EDNRB: variants seen among roughly 807,000 people sequenced by gnomAD.
EDNRB encodes Hirschsprung disease 2.
In EDNRB, 18 loss-of-function variants were observed where a neutral mutation model predicts 46.4. The observed-to-expected ratio is 0.39, with a 90% CI of 0.27 to 0.57. The LOEUF (loss-of-function observed/expected upper bound fraction) is 0.57. Ranked by LOEUF, EDNRB falls within the 20% of genes least tolerant of loss-of-function variation. EDNRB has a pLI of 0.61. For missense variants in EDNRB, 434 were observed against 537.5 expected, an observed-to-expected ratio of 0.81 and a Z score of 1.90; for synonymous variants, 213 against 204.9, an observed-to-expected ratio of 1.04 and a Z score of -0.34.
upstream of EDNRB, chr13:77,919,223 C>T: frequency 1.4e-6 from 1 of 718,750 alleles, no homozygotes; most frequent in Non-Finnish European, 2.2e-6. Context: ...CCGCTGTTCC[C>T]TCCAAACGGC....
chr13:77,905,391 T>C (rs1879224703), intron 1 of EDNRB, among the ~76,000 whole-genome samples: 1 of 152,010 alleles, frequency 6.6e-6, no homozygotes, highest in Non-Finnish European at 1.5e-5. Context: ...AACATTGTAT[T>C]ATCAAAATAC....
chr13:77,933,393 G>A (rs992869298), intron 1 of EDNRB, among the ~76,000 whole-genome samples: 3 of 152,296 alleles, frequency 2.0e-5, no homozygotes, highest in South Asian at 2.1e-4. Flanking sequence ...AGTCAAAGGG[G>A]GGTTGTTCTC....
intron 1 of EDNRB, among the ~76,000 whole-genome samples, chr13:77,935,311 C>T (rs991378451): frequency 6.6e-6 from 1 of 152,148 alleles, no homozygotes; most frequent in African/African-American, 2.4e-5. Context: ...AACTGCACAG[C>T]CCTGCACTTT....
Position 77,895,969 on chromosome 13 carries a change from A to C in EDNRB, c.*2231T>G, listed in dbSNP as rs1391878336. 6.6e-6 allele frequency: 1 copy of C among 152,438 alleles called. No individual in the cohort carries two copies. The highest frequency in any genetic ancestry group is 2.4e-5 in the African/African-American group (1 of 41,446). 9.4% of individuals were successfully genotyped at this position (152,438 alleles called of 1,614,324 possible). On this transcript the variant is annotated 3_prime_UTR_variant, in exon 7 of 7. Coordinates refer to ENST00000646607, the MANE Select transcript of EDNRB (RefSeq NM_001122659.3). ...ATAATTTTGTCTGTTGCTATATTAAAGTCCTTAATACTAGGAAACATGTTT... is the reference window on the plus strand; with the variant it reads ...ATAATTTTGTCTGTTGCTATATTAACGTCCTTAATACTAGGAAACATGTTT...
In EDNRB at chr13:77,898,109, GT is replaced by G; in HGVS notation, c.*90del. 1 of 1,548,706 alleles carries G rather than the reference GT, an allele frequency of 6.5e-7. No individual in the cohort carries two copies. The highest frequency in any genetic ancestry group is 8.7e-7 in the Non-Finnish European group (1 of 1,147,884). Reference sequence around the variant, plus strand: ...TAATAGTGTGCTGTGCAAATACATAGTTTTTTGTTTTGTTTTGGCAAATGTT... The same window carrying G: ...TAATAGTGTGCTGTGCAAATACATAGTTTTTGTTTTGTTTTGGCAAATGTT... On this transcript the variant is annotated 3_prime_UTR_variant, in exon 7 of 7. Coordinates refer to ENST00000646607, the MANE Select transcript of EDNRB (RefSeq NM_001122659.3).
At chr13:77,967,050 T>C (rs183914072) in intron 1 of EDNRB, among the ~76,000 whole-genome samples, 454 of 152,250 alleles carry the variant, frequency 3.0e-3, no homozygotes, top group Non-Finnish European at 5.4e-3. Context: ...AAATACAAAG[T>C]AACCTAAGTG....
chr13:77,926,230 G>A (rs1462887147), intron 1 of EDNRB, among the ~76,000 whole-genome samples: 3 of 152,142 alleles, frequency 2.0e-5, no homozygotes, highest in Non-Finnish European at 2.9e-5. Flanking sequence ...TTCTGTAGCC[G>A]GCTTGAATGT....
In EDNRB at chr13:77,942,295, C is replaced by A. The variant is rs1183057096; in HGVS notation, c.-51-23671G>T. ...CTTACATTTATAAAGTGTTTACAAA[C>A]AAGCCTTGTTTCTGGTGTTCTGTAT... On this transcript the variant is annotated intron_variant, in intron 1 of 7. Coordinates refer to the EDNRB transcript ENST00000646948. Among the ~76,000 whole-genome samples, 3 of 152,152 alleles carry A rather than the reference C, an allele frequency of 2.0e-5. No individual in the cohort carries two copies. In the East Asian group the frequency reaches 5.8e-4, roughly 29 times the overall value.
At position 77,941,565 on chromosome 13, in the gene EDNRB, C is replaced by T. The variant is rs1880746551; in HGVS notation, c.-51-22941G>A. 2.0e-5 allele frequency among the ~76,000 whole-genome samples: 3 copies of T among 152,214 alleles called. No homozygotes were observed. In the South Asian group the frequency reaches 6.2e-4, roughly 31 times the overall value. On this transcript the variant is annotated intron_variant, in intron 1 of 7. Coordinates refer to the EDNRB transcript ENST00000646948. The stretch of plus-strand genomic sequence containing the variant: ...TCTCTATTAGCTAGCTCATTTTCCT[C>T]ACAGCAGCTTCATATCTATTTTACA...
chr13:77,972,142 G>A (rs919456923), intron 1 of EDNRB, among the ~76,000 whole-genome samples: 2 of 152,192 alleles, frequency 1.3e-5, no homozygotes, highest in Non-Finnish European at 2.9e-5. Flanking sequence ...TTGGGATATA[G>A]CAGAGAGAGC....
In EDNRB at chr13:77,898,133, G is replaced by A. The variant is rs1264313568; in HGVS notation, c.*67C>T. The A allele has an allele frequency of 3.8e-6, 6 of 1,582,478 alleles. No individual in the cohort carries two copies. In the East Asian group the frequency reaches 9.1e-5, roughly 24 times the overall value. On this transcript the variant is annotated 3_prime_UTR_variant, in exon 7 of 7. Transcript: ENST00000646607. ...AGTTTTTTGTTTTGTTTTGGCAAAT[G>A]TTTCATTTTGTTTTAATGACTTCGG...
upstream of EDNRB, among the ~76,000 whole-genome samples, chr13:77,920,798 A>G (rs564465904): frequency 2.0e-5 from 3 of 152,198 alleles, no homozygotes; most frequent in African/African-American, 4.8e-5. Context: ...GTAACAATAT[A>G]CAATGTTGTC....
intron 1 of EDNRB, among the ~76,000 whole-genome samples, chr13:77,959,242 C>A (rs769773898): frequency 7.9e-5 from 12 of 152,208 alleles, no homozygotes; most frequent in Non-Finnish European, 1.8e-4. Flanking sequence ...CAGACTGCCT[C>A]CTCAAGCGGG....
chr13:77,941,779 A>C (rs1431577206), intron 1 of EDNRB, among the ~76,000 whole-genome samples: 1 of 152,216 alleles, frequency 6.6e-6, no homozygotes, highest in Admixed American at 6.5e-5. Context: ...ATAAATATTC[A>C]CTCAACATTT....
intron 1 of EDNRB, among the ~76,000 whole-genome samples, chr13:77,938,172 A>AT (rs1880624088): frequency 6.6e-6 from 1 of 152,094 alleles, no homozygotes; most frequent in Non-Finnish European, 1.5e-5. Flanking sequence ...AAGGTTGCCC[A>AT]TAGTGAAGGA....
chr13:77,901,768 A>G (rs1390662604), intron 3 of EDNRB, among the ~76,000 whole-genome samples: 1 of 151,890 alleles, frequency 6.6e-6, no homozygotes, highest in Non-Finnish European at 1.5e-5. Flanking sequence ...CTTTAGATAT[A>G]TCTGTGTTGG....
chr13:77,923,644 C>T (rs76120776), upstream of EDNRB, among the ~76,000 whole-genome samples: 820 of 151,910 alleles, frequency 5.4e-3, 10 homozygotes, highest in African/African-American at 0.018. Flanking sequence ...TAATTTTTAC[C>T]TTTCCTTGTT....
At chr13:77,919,727 G>T, upstream of EDNRB, 2 of 1,054,764 alleles carry the variant, frequency 1.9e-6, no homozygotes, top group Non-Finnish European at 2.7e-6. Flanking sequence ...CCCGAGGGAG[G>T]GGGGCAGTCC....
upstream of EDNRB, chr13:77,918,892 G>A: frequency 8.0e-7 from 1 of 1,245,270 alleles, no homozygotes; most frequent in Non-Finnish European, 1.0e-6. The surrounding 1 kb of genome is among the most constrained non-coding windows in gnomAD (Gnocchi z 4.5). Context: ...TGGAAGGGGT[G>A]TGCCAGGGAG....
Sources: gnomAD v4.1 joint callset for allele counts (sites outside exome capture counted in the v4.1 genomes callset) on GRCh38, gnomAD v4.1.1 for gene constraint, Gnocchi (gnomAD v3.1) non-coding constraint, MANE v1.5 for transcripts, NCBI Gene and HGNC (gene_info 2026-07-23, HGNC 2026-07-21) for gene names.